The following FHIT variants were observed in gnomAD, a reference collection of about 807,000 sequenced individuals.
The protein encoded by FHIT is bis(5'-adenosyl)-triphosphatase.
Under a neutral mutation model 17.9 loss-of-function variants are expected in FHIT, and 19 were observed. That is an observed-to-expected ratio of 1.06 (90% CI 0.74 to 1.56). FHIT has a LOEUF of 1.56. Ranked by LOEUF, FHIT falls within the 40% of genes most tolerant of loss-of-function variation. FHIT has a pLI of 0.00. For missense variants in FHIT, 248 were observed against 189.2 expected (o/e 1.31, Z -1.82); for synonymous variants, 81 against 69.7 (o/e 1.16, Z -0.81).
At chr3:59,795,175 C>T (rs1049814093) in intron 8 of FHIT, among the ~76,000 whole-genome samples, 9 of 152,104 alleles carry the variant, frequency 5.9e-5, no homozygotes, top group African/African-American at 2.2e-4. Flanking sequence ...TACTTGAGGT[C>T]AGGAGTTCGA....
intron 2 of FHIT, among the ~76,000 whole-genome samples, chr3:61,167,473 C>T (rs1039147965): frequency 2.6e-5 from 4 of 151,132 alleles, no homozygotes; most frequent in African/African-American, 9.7e-5. Flanking sequence ...TCCATCTCTA[C>T]TAAAAATACA....
chr3:59,946,339 T>C (rs1310991280), intron 7 of FHIT, among the ~76,000 whole-genome samples: 1 of 152,218 alleles, frequency 6.6e-6, no homozygotes, highest in Non-Finnish European at 1.5e-5. Context: ...TGTTGGTGTA[T>C]AGAAAAAGCT....
intron 4 of FHIT, among the ~76,000 whole-genome samples, chr3:60,772,087 T>C (rs1553723207): frequency 3.3e-5 from 5 of 152,034 alleles, no homozygotes; most frequent in Non-Finnish European, 5.9e-5. Context: ...TAAACTAAAG[T>C]TGAACCAATA....
chr3:61,197,873 A>T (rs1363060434), intron 2 of FHIT, among the ~76,000 whole-genome samples: 6 of 149,414 alleles, frequency 4.0e-5, no homozygotes, highest in African/African-American at 1.5e-4. Flanking sequence ...CTACGCCCAC[A>T]TACATACACC....
intron 4 of FHIT, among the ~76,000 whole-genome samples, chr3:60,615,893 G>C (rs1478035836): frequency 6.6e-6 from 1 of 152,180 alleles, no homozygotes; most frequent in Non-Finnish European, 1.5e-5. Flanking sequence ...TTACCAATAA[G>C]AATAGAGTGA....
At chr3:61,027,960 G>A (rs1348769002) in intron 3 of FHIT, among the ~76,000 whole-genome samples, 1 of 152,088 alleles carries the variant, frequency 6.6e-6, no homozygotes, top group African/African-American at 2.4e-5. Context: ...TTTTCCTTGA[G>A]AGCCAGCTGT....
At chr3:60,452,885 C>T (rs140924071) in intron 5 of FHIT, among the ~76,000 whole-genome samples, 4 of 152,266 alleles carry the variant, frequency 2.6e-5, no homozygotes, top group African/African-American at 9.6e-5. Flanking sequence ...ATGTAAGTGT[C>T]TTCAACAATG....
intron 5 of FHIT, among the ~76,000 whole-genome samples, chr3:60,118,245 C>T (rs1190891522): frequency 1.3e-5 from 2 of 151,498 alleles, no homozygotes; most frequent in African/African-American, 4.9e-5. Flanking sequence ...TAGCTAAGAC[C>T]AGAGGTGCAC....
At chr3:60,315,652 G>A (rs1322579330) in intron 5 of FHIT, among the ~76,000 whole-genome samples, 1 of 152,174 alleles carries the variant, frequency 6.6e-6, no homozygotes, top group Non-Finnish European at 1.5e-5. Flanking sequence ...TTGCTCTGAA[G>A]TGTTGCATTT....
intron 4 of FHIT, chr3:60,596,175 T>A (rs1419063026): frequency 1.3e-5 from 4 of 310,402 alleles, no homozygotes; most frequent in African/African-American, 2.2e-5. Flanking sequence ...ACCAAAAAAG[T>A]TCTTGGAATA....
At chr3:60,894,421 C>T (rs189820904) in intron 3 of FHIT, among the ~76,000 whole-genome samples, 40 of 152,250 alleles carry the variant, frequency 2.6e-4, no homozygotes, top group African/African-American at 9.6e-4. Flanking sequence ...AGAAGGAGCA[C>T]ATAAATTCTG....
At chr3:59,772,199 TAA>T (rs1434015467) in intron 8 of FHIT, among the ~76,000 whole-genome samples, 1 of 152,082 alleles carries the variant, frequency 6.6e-6, no homozygotes, top group African/African-American at 2.4e-5. Flanking sequence ...AAAGCAAGTA[TAA>T]AGTGAATGTT....
rs574103307 is a variant in FHIT, at chr3:60,366,971, T to C, written c.103+169889A>G. 4.3e-3 allele frequency among the ~76,000 whole-genome samples: 654 copies of C among 152,292 alleles called. 8 individuals carry two copies. The highest frequency in any genetic ancestry group is 0.015 in the African/African-American group (622 of 41,564). ...ATGCTAAGTGAAAATATCCATCTGA[T>C]AGATTCAACTTGAGATTCTACTTTG... On this transcript the variant is annotated intron_variant, in intron 5 of 9. Transcript: ENST00000492590.
Position 60,448,853 on chromosome 3 carries a change from T to C in FHIT, c.103+88007A>G, listed in dbSNP as rs149725419. Among the ~76,000 whole-genome samples the C allele has an allele frequency of 2.5e-3, 381 of 152,272 alleles. 2 individuals carry two copies. Among genetic ancestry groups the C allele is most frequent in the Admixed American group, 4.0e-3 (61 of 15,272 alleles). ...GAAATCTTTATAGCTAGTTGAAATG[T>C]GTTTACTAAGTCTTGCCAGGAAGCT... On this transcript the variant is annotated intron_variant, in intron 5 of 9. Transcript: ENST00000492590.
chr3:61,131,442 A>G (rs962351493), intron 2 of FHIT, among the ~76,000 whole-genome samples: 1 of 152,222 alleles, frequency 6.6e-6, no homozygotes, highest in Non-Finnish European at 1.5e-5. Flanking sequence ...AGCACACTCA[A>G]GTGAAGGCCA....
chr3:60,585,939 G>T (rs1440296863), intron 4 of FHIT, among the ~76,000 whole-genome samples: 3 of 151,834 alleles, frequency 2.0e-5, no homozygotes, highest in Non-Finnish European at 4.4e-5. Context: ...ATGTACATCA[G>T]AACTCTCCAA....
intron 3 of FHIT, among the ~76,000 whole-genome samples, chr3:60,828,553 T>C (rs1177229478): frequency 6.6e-6 from 1 of 152,068 alleles, no homozygotes; most frequent in Non-Finnish European, 1.5e-5. Flanking sequence ...CCATAGGAAG[T>C]GAAACCTTTG....
chr3:61,143,150 CATG>C (rs1221608542), intron 2 of FHIT, among the ~76,000 whole-genome samples: 6 of 152,054 alleles, frequency 3.9e-5, no homozygotes, highest in Non-Finnish European at 8.8e-5. Context: ...TACAATAATA[CATG>C]ATATCACCAT....
chr3:60,860,940 GTA>G (rs1304455087), intron 3 of FHIT, among the ~76,000 whole-genome samples: 7 of 101,668 alleles, frequency 6.9e-5, no homozygotes, highest in Non-Finnish European at 1.2e-4. Context: ...TATATATCAT[GTA>G]TATATGATAC....
Sources: allele counts gnomAD v4.1 joint callset (sites outside exome capture counted in the v4.1 genomes callset), GRCh38; gene constraint gnomAD v4.1.1; transcripts MANE v1.5; gene names NCBI Gene and HGNC (gene_info 2026-07-23, HGNC 2026-07-21).